SRGAP1: variants seen among roughly 807,000 people sequenced by gnomAD.
SRGAP1 encodes the protein SLIT-ROBO Rho GTPase activating protein 1, also known as SLIT-ROBO Rho GTPase-activating protein 1.
A neutral mutation model predicts 121.9 loss-of-function variants in SRGAP1; 43 were observed. The ratio of observed to expected loss-of-function variants is 0.35; its 90% CI spans 0.28 to 0.46. The LOEUF (loss-of-function observed/expected upper bound fraction) is 0.46, where lower values mean the gene tolerates loss of function less well. SRGAP1 is among the 20% of genes least tolerant of loss of function. The pLI, the probability that SRGAP1 is intolerant of heterozygous loss-of-function variation, is 1.00. For missense variants in SRGAP1, 1,102 were observed against 1,350.9 expected, an observed-to-expected ratio of 0.82 and a Z score of 2.89; for synonymous variants, 447 against 485.4, an observed-to-expected ratio of 0.92 and a Z score of 1.04.
chr12:63,893,722 T>G lies in SRGAP1; in HGVS notation c.67+48839T>G, dbSNP rs76360976. Among the ~76,000 whole-genome samples, 90 of 152,372 alleles carry G rather than the reference T, an allele frequency of 5.9e-4. No homozygotes were observed. In the East Asian group the frequency reaches 0.014, roughly 24 times the overall value. On this transcript the variant is annotated intron_variant, in intron 1 of 21. Coordinates refer to ENST00000355086, the MANE Select transcript of SRGAP1 (RefSeq NM_020762.4). ...TAAGTCTGTTACACTTTACTTTTACTAGATCTGAACATTTTAATGCATTTT... is the reference window on the plus strand; with the variant it reads ...TAAGTCTGTTACACTTTACTTTTACGAGATCTGAACATTTTAATGCATTTT...
At chr12:64,078,360 C>CA (rs1426910125) in intron 8 of SRGAP1, among the ~76,000 whole-genome samples, 1 of 152,130 alleles carries the variant, frequency 6.6e-6, no homozygotes, top group Non-Finnish European at 1.5e-5. Flanking sequence ...GAGTGTATCT[C>CA]ACGTTGAGCA....
rs2037166816 is a variant in SRGAP1, at chr12:64,156,686, T to A, written c.*14014T>A. ...ACAACAGGGAATAATAAGCCATCTA[T>A]CTGAACGTGCACGGTTAGGGCCTCA... On this transcript the variant is annotated 3_prime_UTR_variant, in exon 22 of 22. Coordinates refer to ENST00000355086, the MANE Select transcript of SRGAP1 (RefSeq NM_020762.4). 1 of 152,192 alleles carries A rather than the reference T, an allele frequency of 6.6e-6. No homozygotes were observed. The highest frequency in any genetic ancestry group is 2.4e-5 in the African/African-American group (1 of 41,450). 9.4% of individuals were successfully genotyped at this position (152,192 alleles called of 1,614,324 possible).
At chr12:63,954,606 AGGC>A (rs918105680) in intron 1 of SRGAP1, among the ~76,000 whole-genome samples, 15 of 148,106 alleles carry the variant, frequency 1.0e-4, no homozygotes, top group Non-Finnish European at 1.8e-4. Flanking sequence ...TGAACCCGGG[AGGC>A]GGAGCTTGCA....
intron 4 of SRGAP1, among the ~76,000 whole-genome samples, chr12:64,023,116 G>C (rs1012968617): frequency 2.7e-4 from 39 of 144,516 alleles, no homozygotes; most frequent in African/African-American, 1.0e-3. Context: ...AGTAAATGCA[G>C]ATATCAGGAA....
chr12:63,874,209 CTCT>C (rs1565930478), intron 1 of SRGAP1, among the ~76,000 whole-genome samples: 2 of 151,804 alleles, frequency 1.3e-5, no homozygotes, highest in Non-Finnish European at 2.9e-5. Flanking sequence ...GAAAGTATGA[CTCT>C]TTTTTTTTTG....
intron 1 of SRGAP1, among the ~76,000 whole-genome samples, chr12:63,859,655 A>G (rs1289133929): frequency 6.6e-6 from 1 of 152,180 alleles, no homozygotes; most frequent in Non-Finnish European, 1.5e-5. Context: ...TATTTTCTAT[A>G]ATATAAACGC....
intron 18 of SRGAP1, among the ~76,000 whole-genome samples, chr12:64,124,688 C>T (rs73321345): frequency 0.034 from 5,220 of 152,246 alleles, 320 homozygotes; most frequent in African/African-American, 0.12. Flanking sequence ...GTTGCTGAGT[C>T]TGTCCTCCTG....
Position 64,108,995 on chromosome 12 carries a change from C to T in SRGAP1, c.1877C>T (p.Ser626Leu), listed in dbSNP as rs1342258697. ...AAACTCCTCCTGACTTTGCCCAGGTCGGTCCTTATAGTGATGAGGTACCTC... is the reference window on the plus strand; with the variant it reads ...AAACTCCTCCTGACTTTGCCCAGGTTGGTCCTTATAGTGATGAGGTACCTC... ...IRKLLLTLPR[S>L]VLIVMRYLFA... is the part of the protein sequence containing the mutation. Residue 626 changes from serine (S) to leucine (L), a missense_variant, in exon 16 of 22, where the codon TCG (serine) becomes TTG (leucine). This residue lies in a region of SRGAP1 where 747 missense variants were observed against 929.4 expected (regional missense o/e 0.80). Coordinates refer to ENST00000355086, the MANE Select transcript of SRGAP1 (RefSeq NM_020762.4). 12 of 1,601,890 alleles carry T rather than the reference C, an allele frequency of 7.5e-6. 1 individual carries two copies. Among genetic ancestry groups the T allele is most frequent in the African/African-American group, 6.7e-5 (5 of 74,748 alleles).
intron 1 of SRGAP1, among the ~76,000 whole-genome samples, chr12:63,926,705 A>C (rs1324607561): frequency 6.6e-6 from 1 of 152,152 alleles, no homozygotes; most frequent in African/African-American, 2.4e-5. Context: ...GAGACACTGG[A>C]AATTCATTCT....
chr12:63,904,695 C>T (rs1374353721), intron 1 of SRGAP1, among the ~76,000 whole-genome samples: 4 of 152,250 alleles, frequency 2.6e-5, no homozygotes, highest in African/African-American at 9.6e-5. Flanking sequence ...CTTTGGGAGG[C>T]CGAGTTGGGA....
Position 64,046,036 on chromosome 12 carries a change from A to C in SRGAP1, c.801+2461A>C, listed in dbSNP as rs527475175. ...ATGGGGTGTCCAGGAAAAGCCTGAT[A>C]CCTGAGTAGAGGAGTGAGCTGCAAT... On this transcript the variant is annotated intron_variant, in intron 6 of 21. Transcript: ENST00000355086. Among the ~76,000 whole-genome samples the C allele has an allele frequency of 1.5e-4, 23 of 152,314 alleles. No homozygotes were observed. The East Asian group carries it at 4.4e-3, about 29-fold the overall frequency.
rs566877796 is a variant in SRGAP1, at chr12:63,972,903, C to G, written c.68-11044C>G. Among the ~76,000 whole-genome samples, 141 of 151,890 alleles carry G rather than the reference C, an allele frequency of 9.3e-4. 1 individual carries two copies. The highest frequency in any genetic ancestry group is 3.0e-3 in the African/African-American group (125 of 41,394). On this transcript the variant is annotated intron_variant, in intron 1 of 21. Coordinates refer to ENST00000355086, the MANE Select transcript of SRGAP1 (RefSeq NM_020762.4). ...GTGGCTCATGCCTGTAATCCCAGCA[C>G]TTGGGAGGCCGAGGTGGGCAGATCA...
intron 15 of SRGAP1, among the ~76,000 whole-genome samples, chr12:64,103,761 A>G (rs944838151): frequency 4.6e-5 from 7 of 152,230 alleles, no homozygotes; most frequent in African/African-American, 1.7e-4. Context: ...TCAATATGAT[A>G]ATTCAGCAGA....
At position 63,949,229 on chromosome 12, in the gene SRGAP1, T is replaced by TATAC. The variant is rs201137876; in HGVS notation, c.68-34717_68-34716insTACA. On this transcript the variant is annotated intron_variant, in intron 1 of 21. Coordinates refer to ENST00000355086, the MANE Select transcript of SRGAP1 (RefSeq NM_020762.4). ...TATATATTTTTTCCATATATATATA[T>TATAC]ACCAAATAAGAGAATATATCTCTGG... Among the ~76,000 whole-genome samples, 452 of 145,368 alleles carry TATAC rather than the reference T, an allele frequency of 3.1e-3. 24 individuals carry two copies. Among genetic ancestry groups the TATAC allele is most frequent in the Admixed American group, 0.03 (418 of 14,108 alleles).
At chr12:64,138,139 C>T (rs1161842461) in intron 21 of SRGAP1, among the ~76,000 whole-genome samples, 1 of 152,020 alleles carries the variant, frequency 6.6e-6, no homozygotes, top group Non-Finnish European at 1.5e-5. Flanking sequence ...CCTCCAGTCC[C>T]TGACAACCAC....
chr12:64,024,472 T>G (rs2034612128), intron 4 of SRGAP1, among the ~76,000 whole-genome samples: 3 of 152,070 alleles, frequency 2.0e-5, no homozygotes, highest in African/African-American at 7.2e-5. Context: ...GAAAAACAAT[T>G]AGGATATGTT....
chr12:63,855,058 T>G (rs961822128), intron 1 of SRGAP1, among the ~76,000 whole-genome samples: 3 of 152,148 alleles, frequency 2.0e-5, no homozygotes, highest in African/African-American at 7.2e-5. Context: ...GACTTTAAAC[T>G]AGAGAGATTT....
chr12:64,130,196 G>A (rs2036763257), intron 21 of SRGAP1, among the ~76,000 whole-genome samples: 1 of 152,166 alleles, frequency 6.6e-6, no homozygotes, highest in Non-Finnish European at 1.5e-5. Context: ...GTAGTCGACT[G>A]ATTTCATCTT....
intron 1 of SRGAP1, among the ~76,000 whole-genome samples, chr12:63,921,377 G>T (rs17099917): frequency 0.16 from 24,824 of 152,062 alleles, 2,945 homozygotes; most frequent in African/African-American, 0.34. Flanking sequence ...GCCTTTATGA[G>T]TAATCCACGA....
Sources: gnomAD v4.1 joint callset for allele counts (sites outside exome capture counted in the v4.1 genomes callset) on GRCh38, gnomAD v4.1.1 for gene constraint, gnomAD v4.1.1 regional missense constraint, MANE v1.5 for transcripts, NCBI Gene and HGNC (gene_info 2026-07-23, HGNC 2026-07-21) for gene names.